HTR7: variants seen among roughly 807,000 people sequenced by gnomAD.
HTR7 encodes 5-HT-7.
In HTR7, 16 loss-of-function variants were observed where a neutral mutation model predicts 34.0. The ratio of observed to expected loss-of-function variants is 0.47; its 90% CI spans 0.32 to 0.71. HTR7 has a LOEUF of 0.71. Ranked by LOEUF, HTR7 falls within the 30% of genes least tolerant of loss-of-function variation. The pLI is 0.04. For missense variants in HTR7, 504 were observed against 625.5 expected (o/e 0.81, Z 2.07); for synonymous variants, 265 against 260.2 (o/e 1.02, Z -0.18).
intron 1 of HTR7, among the ~76,000 whole-genome samples, chr10:90,848,183 C>G (rs1846441144): frequency 6.6e-6 from 1 of 150,692 alleles, no homozygotes; most frequent in African/African-American, 2.5e-5. Context: ...ATTCTCCTGC[C>G]TCCCGAGTAA....
rs760148386 is a variant in HTR7 at position 90,749,260 on chromosome 10, T to C, written c.874A>G (p.Ile292Val). The C allele has an allele frequency of 1.3e-5, 21 of 1,613,994 alleles. No individual in the cohort carries two copies. Among genetic ancestry groups the C allele is most frequent in the African/African-American group, 1.3e-5 (1 of 74,906 alleles). The part of the protein sequence containing the change: ...EPDSVIALNG[I>V]VKLQKEVEEC... ...TCCACCTCCTTCTGGAGCTTCACTA[T>C]GCCATTCAGGGCGATGACGCTGTCT... The change falls in exon 2 of 4, where the codon ATA becomes GTA. Residue 292 changes from isoleucine to valine, a missense_variant. By Grantham distance (29) the Ile-to-Val change is conservative. Around this residue, in one of 4 missense-constraint regions of HTR7, gnomAD observed 57 missense variants for 47.5 expected, o/e 1.20. Coordinates refer to ENST00000336152, the MANE Select transcript of HTR7 (RefSeq NM_019859.4). This position sits in a 1 kb window ranked among gnomAD's most constrained non-coding sequence, Gnocchi z 4.2.
Position 90,742,303 on chromosome 10 carries a change from A to G in HTR7, c.*179T>C, listed in dbSNP as rs1844564346. Reference sequence around the variant, plus strand: ...CACAATAGCACTGATCCACAGAAAAAAGGAGAAGTCACCATCTCCCTCATA... The same window carrying G: ...CACAATAGCACTGATCCACAGAAAAGAGGAGAAGTCACCATCTCCCTCATA... On this transcript the variant is annotated 3_prime_UTR_variant, in exon 4 of 4. Transcript: ENST00000336152. 1 of 515,932 alleles carries G rather than the reference A, an allele frequency of 1.9e-6. No homozygotes were observed. Among genetic ancestry groups the G allele is most frequent in the South Asian group, 2.8e-5 (1 of 35,640 alleles). 32.0% of individuals were successfully genotyped at this position (515,932 alleles called of 1,614,324 possible).
At chr10:90,759,547 C>G (rs1410663569) in intron 1 of HTR7, among the ~76,000 whole-genome samples, 1 of 149,014 alleles carries the variant, frequency 6.7e-6, no homozygotes, top group African/African-American at 2.5e-5. Context: ...CCCAGCTACT[C>G]GGGAGGCTGA....
chr10:90,838,985 T>C (rs1271244513), intron 1 of HTR7, among the ~76,000 whole-genome samples: 1 of 152,226 alleles, frequency 6.6e-6, no homozygotes, highest in Non-Finnish European at 1.5e-5. Context: ...AAAGGTGTTA[T>C]TTGCCTTGCT....
At chr10:90,803,973 C>T (rs1358175073) in intron 1 of HTR7, among the ~76,000 whole-genome samples, 1 of 152,032 alleles carries the variant, frequency 6.6e-6, no homozygotes, top group African/African-American at 2.4e-5. Context: ...CTGCTATGCC[C>T]CCAACCTATA....
intron 1 of HTR7, among the ~76,000 whole-genome samples, chr10:90,751,281 A>G (rs1844728124): frequency 6.6e-6 from 1 of 152,204 alleles, no homozygotes; most frequent in Non-Finnish European, 1.5e-5. Context: ...AAAGTAACTC[A>G]GAAGAAGAGA....
At chr10:90,833,266 C>T (rs576052613) in intron 1 of HTR7, among the ~76,000 whole-genome samples, 1 of 152,268 alleles carries the variant, frequency 6.6e-6, no homozygotes, top group South Asian at 2.1e-4. Flanking sequence ...ACCTTCCAAG[C>T]TCTAGATATG....
chr10:90,818,137 G>A (rs1220481109), intron 1 of HTR7, among the ~76,000 whole-genome samples: 5 of 152,184 alleles, frequency 3.3e-5, no homozygotes, highest in Admixed American at 2.6e-4. Context: ...AATCCCCAAC[G>A]CAACCATGGT....
intron 1 of HTR7, among the ~76,000 whole-genome samples, chr10:90,770,645 C>T (rs1036512503): frequency 4.6e-5 from 7 of 152,202 alleles, no homozygotes; most frequent in African/African-American, 1.7e-4. Context: ...ACAGCACTGA[C>T]ATGCCAGCCC....
At chr10:90,788,301 A>G (rs1054890626) in intron 1 of HTR7, among the ~76,000 whole-genome samples, 7 of 152,198 alleles carry the variant, frequency 4.6e-5, no homozygotes, top group African/African-American at 1.7e-4. Flanking sequence ...TTCCAAGCCC[A>G]AAATAGATCC....
intron 2 of HTR7, among the ~76,000 whole-genome samples, chr10:90,748,350 A>T (rs1164991732): frequency 6.6e-6 from 1 of 151,542 alleles, no homozygotes; most frequent in African/African-American, 2.4e-5. Context: ...CACACTAACA[A>T]CTCTTCTTTT....
At chr10:90,847,797 C>A (rs1252416666) in intron 1 of HTR7, among the ~76,000 whole-genome samples, 5 of 152,226 alleles carry the variant, frequency 3.3e-5, no homozygotes, top group African/African-American at 1.2e-4. Flanking sequence ...AAAACAATAA[C>A]TGTATCTGCT....
intron 1 of HTR7, among the ~76,000 whole-genome samples, chr10:90,816,818 G>T (rs1277643510): frequency 1.3e-5 from 2 of 152,118 alleles, no homozygotes; most frequent in Non-Finnish European, 2.9e-5. Context: ...TGGAAGAAGC[G>T]GGCACATGAA....
chr10:90,756,068 A>G (rs1844829091), intron 1 of HTR7, among the ~76,000 whole-genome samples: 1 of 152,252 alleles, frequency 6.6e-6, no homozygotes. Flanking sequence ...GCTTGTCAAC[A>G]TGGATGATTT....
intron 1 of HTR7, among the ~76,000 whole-genome samples, chr10:90,837,291 T>C (rs1435418422): frequency 6.6e-6 from 1 of 152,220 alleles, no homozygotes; most frequent in Non-Finnish European, 1.5e-5. Context: ...TTTTAAGTAT[T>C]AGGAAGTTGA....
intron 1 of HTR7, among the ~76,000 whole-genome samples, chr10:90,772,154 A>G (rs1202895070): frequency 2.0e-5 from 3 of 152,168 alleles, no homozygotes. Context: ...ACCCTAGGTC[A>G]TAGCAGCATA....
At chr10:90,841,533 C>T (rs997133640) in intron 1 of HTR7, among the ~76,000 whole-genome samples, 1 of 152,096 alleles carries the variant, frequency 6.6e-6, no homozygotes, top group Non-Finnish European at 1.5e-5. Context: ...GGCTCATGGC[C>T]CCCTTCCATT....
intron 2 of HTR7, 154 bp downstream of exon 2, chr10:90,748,685 G>T: frequency 1.3e-6 from 1 of 797,206 alleles, no homozygotes; most frequent in Non-Finnish European, 1.9e-6. Flanking sequence ...TTACTGGGTG[G>T]AAGACTGGAG....
intron 1 of HTR7, among the ~76,000 whole-genome samples, chr10:90,831,287 G>A (rs1295321094): frequency 3.3e-5 from 5 of 152,070 alleles, no homozygotes; most frequent in Admixed American, 6.5e-5. Flanking sequence ...TCTGATGTTC[G>A]GCTGTGTTCG....
Sources: allele counts gnomAD v4.1 joint callset (sites outside exome capture counted in the v4.1 genomes callset), GRCh38; gene constraint gnomAD v4.1.1; regional missense constraint gnomAD v4.1.1; non-coding constraint Gnocchi (gnomAD v3.1); transcripts MANE v1.5; gene names NCBI Gene and HGNC (gene_info 2026-07-23, HGNC 2026-07-21).